Variants in STXBP5L observed in about 807,000 individuals in gnomAD.
STXBP5L encodes the protein syntaxin-binding protein 5-like.
Under a neutral mutation model 144.5 loss-of-function variants are expected in STXBP5L, and 65 were observed. The observed-to-expected ratio is 0.45, with a 90% CI of 0.37 to 0.55. STXBP5L has a LOEUF of 0.55. STXBP5L is among the 20% of genes least tolerant of loss of function. The pLI is 0.00. For missense variants in STXBP5L, 1,298 were observed against 1,405.5 expected, an observed-to-expected ratio of 0.92 and a Z score of 1.22; for synonymous variants, 505 against 469.6, an observed-to-expected ratio of 1.08 and a Z score of -0.97.
intron 22 of STXBP5L, among the ~76,000 whole-genome samples, chr3:121,392,453 T>C (rs1055911187): frequency 5.9e-5 from 9 of 152,124 alleles, no homozygotes; most frequent in Non-Finnish European, 1.3e-4. Context: ...GTTACCTCAG[T>C]TGGAATGCAG....
intron 3 of STXBP5L, among the ~76,000 whole-genome samples, chr3:120,976,210 C>G (rs1411853763): frequency 6.6e-6 from 1 of 152,138 alleles, no homozygotes; most frequent in Admixed American, 6.6e-5. Flanking sequence ...TGATTATTGC[C>G]ACAGTTTCAG....
Position 121,250,743 on chromosome 3 carries a change from A to C in STXBP5L, c.1421A>C (p.Lys474Thr). 6.2e-7 allele frequency: 1 copy of C among 1,609,356 alleles called. No individual in the cohort carries two copies. Among genetic ancestry groups the C allele is most frequent in the Non-Finnish European group, 8.5e-7 (1 of 1,177,692 alleles). Residue 474 changes from lysine (K) to threonine (T), a missense_variant, in exon 15 of 27, where the codon AAA (lysine) becomes ACA (threonine). Physicochemically the swap from Lys to Thr is moderately conservative, Grantham distance 78. Coordinates refer to ENST00000471454, the MANE Select transcript of STXBP5L (RefSeq NM_001308330.2). ...IITGHADGSIKFWDASAITLQ... is the reference protein window; with the variant it reads ...IITGHADGSITFWDASAITLQ... ...TCTAGTCATGCAGATGGATCAATAA[A>C]ATTTTGGGATGCTTCTGCAAGTAAG... is the stretch of plus-strand genomic sequence containing the variant.
chr3:120,961,505 T>C (rs895035729), intron 3 of STXBP5L, among the ~76,000 whole-genome samples: 3 of 152,188 alleles, frequency 2.0e-5, no homozygotes, highest in Non-Finnish European at 2.9e-5. Flanking sequence ...TTCCCCTCTA[T>C]AAGTGAGAAC....
At chr3:121,127,130 T>C (rs946337860) in intron 7 of STXBP5L, among the ~76,000 whole-genome samples, 1 of 149,684 alleles carries the variant, frequency 6.7e-6, no homozygotes, top group Non-Finnish European at 1.5e-5. Context: ...CCAGAAGTCC[T>C]CTAAAGTAGA....
At chr3:121,032,040 GTATT>G (rs1946407230) in intron 3 of STXBP5L, among the ~76,000 whole-genome samples, 1 of 152,062 alleles carries the variant, frequency 6.6e-6, no homozygotes. Context: ...GATCTACTGA[GTATT>G]TAGATACATT....
rs1481250888 is a variant in STXBP5L at position 120,945,828 on chromosome 3, CT to C, written c.190-9111del. Among the ~76,000 whole-genome samples the C allele has an allele frequency of 3.3e-5, 5 of 151,858 alleles. No homozygotes were observed. In the East Asian group the frequency reaches 9.7e-4, roughly 29 times the overall value. On this transcript the variant is annotated intron_variant, in intron 2 of 26. Transcript: ENST00000471454. The stretch of plus-strand genomic sequence containing the variant: ...GGATCTTATATTAATTATAGCAGTA[CT>C]GAAAAAAGAATTTCTCTTGGAGTTG...
At chr3:121,315,942 G>A (rs890933644) in intron 19 of STXBP5L, among the ~76,000 whole-genome samples, 2 of 151,326 alleles carry the variant, frequency 1.3e-5, no homozygotes, top group African/African-American at 2.4e-5. Flanking sequence ...GGCGGAGGTT[G>A]CAGTGAGCCG....
chr3:120,916,131 A>C (rs1263672534), intron 2 of STXBP5L, among the ~76,000 whole-genome samples: 1 of 152,158 alleles, frequency 6.6e-6, no homozygotes, highest in Non-Finnish European at 1.5e-5. Flanking sequence ...TAGAAAGAAG[A>C]ATATGATTTG....
chr3:121,094,594 C>G (rs567552647), intron 5 of STXBP5L, among the ~76,000 whole-genome samples: 1 of 151,898 alleles, frequency 6.6e-6, no homozygotes, highest in Admixed American at 6.6e-5. Flanking sequence ...AGGATTGCAA[C>G]CCCTGCCTTT....
intron 9 of STXBP5L, among the ~76,000 whole-genome samples, chr3:121,204,062 A>C (rs1223256551): frequency 6.6e-6 from 1 of 152,094 alleles, no homozygotes; most frequent in Non-Finnish European, 1.5e-5. Flanking sequence ...ACACGGTGAA[A>C]TTCTGTCTCT....
chr3:121,359,899 G>A (rs1235252928), intron 20 of STXBP5L, among the ~76,000 whole-genome samples: 10 of 144,264 alleles, frequency 6.9e-5, no homozygotes, highest in Non-Finnish European at 1.5e-5. Flanking sequence ...GTCTGGTAAT[G>A]TGATTCCTCC....
At chr3:120,982,630 A>T (rs546042438) in intron 3 of STXBP5L, among the ~76,000 whole-genome samples, 5 of 152,152 alleles carry the variant, frequency 3.3e-5, no homozygotes, top group East Asian at 1.9e-4. Context: ...AGAACCTCTT[A>T]TCTCAGCTTT....
chr3:121,037,379 C>T (rs748916382), intron 3 of STXBP5L, among the ~76,000 whole-genome samples: 1 of 151,852 alleles, frequency 6.6e-6, no homozygotes, highest in Non-Finnish European at 1.5e-5. Flanking sequence ...TCCTTACTAT[C>T]TGGGATCACA....
intron 5 of STXBP5L, among the ~76,000 whole-genome samples, chr3:121,090,250 T>C (rs543569595): frequency 2.0e-5 from 3 of 152,254 alleles, no homozygotes; most frequent in African/African-American, 4.8e-5. Context: ...GTGTTATTAA[T>C]GATAGGTGGG....
chr3:121,121,096 A>T (rs2044440253), intron 6 of STXBP5L, among the ~76,000 whole-genome samples: 1 of 151,294 alleles, frequency 6.6e-6, no homozygotes, highest in Admixed American at 6.6e-5. Context: ...AGTGTGGTAT[A>T]ACCAATGAAC....
At chr3:120,952,384 ACTT>A (rs1711316583) in intron 2 of STXBP5L, among the ~76,000 whole-genome samples, 2 of 151,902 alleles carry the variant, frequency 1.3e-5, no homozygotes, top group African/African-American at 4.8e-5. Flanking sequence ...CAAATTTTGC[ACTT>A]CTTTTGTTCA....
chr3:120,967,260 A>G lies in STXBP5L; in HGVS notation c.287+12223A>G, dbSNP rs1410219903. On this transcript the variant is annotated intron_variant, in intron 3 of 26. Coordinates refer to ENST00000471454, the MANE Select transcript of STXBP5L (RefSeq NM_001308330.2). ...CCCCTCCCCTTGCACTTCCTGGGTG[A>G]GACAATGCATCACCCTGCTTCAGCT... Among the ~76,000 whole-genome samples, 3 of 152,092 alleles carry G rather than the reference A, an allele frequency of 2.0e-5. No individual in the cohort carries two copies. In the East Asian group the frequency reaches 5.8e-4, roughly 29 times the overall value.
intron 3 of STXBP5L, among the ~76,000 whole-genome samples, chr3:121,004,698 A>G (rs574442432): frequency 6.6e-6 from 1 of 152,244 alleles, no homozygotes; most frequent in Admixed American, 6.5e-5. Flanking sequence ...TGTCATAGAT[A>G]GCTCTTCTTA....
intron 3 of STXBP5L, among the ~76,000 whole-genome samples, chr3:120,960,065 AAAAC>A (rs1315957961): frequency 8.5e-5 from 13 of 152,338 alleles, no homozygotes; most frequent in South Asian, 6.2e-4. Flanking sequence ...TTACCAGAAA[AAAAC>A]AAACAACCCC....
Sources: gnomAD v4.1 joint callset for allele counts (sites outside exome capture counted in the v4.1 genomes callset) on GRCh38, gnomAD v4.1.1 for gene constraint, MANE v1.5 for transcripts, NCBI Gene and HGNC (gene_info 2026-07-23, HGNC 2026-07-21) for gene names.